Variants in ZNF827 observed in about 807,000 individuals in gnomAD.
The protein encoded by ZNF827 is zinc finger protein 827.
A neutral mutation model predicts 102.4 loss-of-function variants in ZNF827; 13 were observed. The observed-to-expected ratio is 0.13, with a 90% confidence interval of 0.08 to 0.20. The LOEUF (loss-of-function observed/expected upper bound fraction) is 0.20, where lower values mean the gene tolerates loss of function less well. ZNF827 is among the 10% of genes least tolerant of loss of function. The probability of loss-of-function intolerance (pLI) is 1.00; values close to 1 mark genes in which losing one functional copy is unlikely to be tolerated. For synonymous variants in ZNF827, 523 were observed against 536.2 expected, an observed-to-expected ratio of 0.98 and a Z score of 0.34; for missense variants, 1,103 against 1,344.4, an observed-to-expected ratio of 0.82 and a Z score of 2.81.
intron 1 of ZNF827, among the ~76,000 whole-genome samples, chr4:145,912,360 T>C (rs1268804982): frequency 6.6e-6 from 1 of 152,234 alleles, no homozygotes; most frequent in East Asian, 1.9e-4. Context: ...ATACTTTTGT[T>C]CTCCATTATA....
chr4:145,844,717 TAAATAAATAAATA>T (rs1203747071), intron 7 of ZNF827, among the ~76,000 whole-genome samples: 2 of 140,920 alleles, frequency 1.4e-5, no homozygotes, highest in Non-Finnish European at 3.1e-5. Flanking sequence ...AATAAATAAA[TAAATAAATAAATA>T]AAATAAACCC....
At chr4:145,828,846 A>C (rs978909296) in intron 7 of ZNF827, among the ~76,000 whole-genome samples, 1 of 152,170 alleles carries the variant, frequency 6.6e-6, no homozygotes, top group African/African-American at 2.4e-5. Flanking sequence ...AAAGTCCATA[A>C]AGGATTATGG....
intron 4 of ZNF827, among the ~76,000 whole-genome samples, chr4:145,874,480 A>G (rs148421727): frequency 6.6e-6 from 1 of 152,362 alleles, no homozygotes; most frequent in East Asian, 1.9e-4. Context: ...GACCAAAAAT[A>G]TTTACATTGA....
chr4:145,880,165 G>A (rs1457207244), intron 4 of ZNF827, among the ~76,000 whole-genome samples: 1 of 152,148 alleles, frequency 6.6e-6, no homozygotes, highest in Admixed American at 6.5e-5. Flanking sequence ...AACCCGGGAG[G>A]CGGATGTTTC....
intron 8 of ZNF827, among the ~76,000 whole-genome samples, chr4:145,818,279 C>A (rs553448557): frequency 1.3e-5 from 2 of 152,288 alleles, no homozygotes; most frequent in South Asian, 4.1e-4. Flanking sequence ...ATGTGCTGTG[C>A]AGTTCTGGGT....
At chr4:145,826,143 G>A (rs1049069582) in intron 7 of ZNF827, among the ~76,000 whole-genome samples, 4 of 152,194 alleles carry the variant, frequency 2.6e-5, no homozygotes, top group African/African-American at 7.2e-5. Flanking sequence ...TGCTAGTTTT[G>A]CAGAGAGTTT....
At chr4:145,897,346 A>G (rs900917115) in intron 2 of ZNF827, among the ~76,000 whole-genome samples, 3 of 152,160 alleles carry the variant, frequency 2.0e-5, no homozygotes, top group Admixed American at 6.5e-5. Flanking sequence ...CTGTTGTTCA[A>G]TCCTATGTGG....
intron 1 of ZNF827, among the ~76,000 whole-genome samples, chr4:145,919,406 T>C (rs988791243): frequency 6.6e-6 from 1 of 152,188 alleles, no homozygotes; most frequent in African/African-American, 2.4e-5. Context: ...GTCCCACATA[T>C]ACTCATGAAA....
At chr4:145,799,533 C>G (rs1054475350) in intron 8 of ZNF827, among the ~76,000 whole-genome samples, 1 of 152,194 alleles carries the variant, frequency 6.6e-6, no homozygotes, top group Non-Finnish European at 1.5e-5. Context: ...AATTATTAAC[C>G]AGTCTTTGGT....
intron 7 of ZNF827, among the ~76,000 whole-genome samples, chr4:145,835,728 A>C (rs1744770575): frequency 8.5e-6 from 1 of 118,044 alleles, no homozygotes; most frequent in South Asian, 3.6e-4. Flanking sequence ...ACCCCACTCA[A>C]CGCCAGTATC....
chr4:145,930,271 T>C (rs1460255762), intron 1 of ZNF827, among the ~76,000 whole-genome samples: 1 of 152,230 alleles, frequency 6.6e-6, no homozygotes, highest in East Asian at 1.9e-4. Flanking sequence ...TGATCAATCA[T>C]GTAAAAGATC....
At chr4:145,872,528 G>T (rs564329774) in intron 4 of ZNF827, among the ~76,000 whole-genome samples, 2 of 152,108 alleles carry the variant, frequency 1.3e-5, no homozygotes. Flanking sequence ...TTTGTTACGC[G>T]GTATTTAGTT....
Position 145,762,713 on chromosome 4 carries a change from C to G in ZNF827, c.*17+377G>C, listed in dbSNP as rs998223216. Among the ~76,000 whole-genome samples the G allele has an allele frequency of 2.6e-5, 4 of 152,210 alleles. No individual in the cohort carries two copies. The highest frequency in any genetic ancestry group is 9.6e-5 in the African/African-American group (4 of 41,452). ...AACCCTCCTGGCTGTCCAGAGGGGC[C>G]ACGAGGAGTGGTGAGGCCATGTTAA... On this transcript the variant is annotated intron_variant, in intron 14 of 14. Coordinates refer to ENST00000508784, the MANE Select transcript of ZNF827 (RefSeq NM_001306215.2). The surrounding 1 kb of genome is among the most constrained non-coding windows in gnomAD (Gnocchi z 4.9).
intron 2 of ZNF827, among the ~76,000 whole-genome samples, chr4:145,901,930 G>A (rs572962713): frequency 6.6e-6 from 1 of 152,320 alleles, no homozygotes; most frequent in South Asian, 2.1e-4. Context: ...AGGGAATGCT[G>A]TATGTCTCTA....
At chr4:145,853,152 C>T (rs965623072) in intron 5 of ZNF827, among the ~76,000 whole-genome samples, 1 of 152,234 alleles carries the variant, frequency 6.6e-6, no homozygotes, top group Non-Finnish European at 1.5e-5. Flanking sequence ...GCCACCTCAG[C>T]CAGGTTCCTG....
At chr4:145,878,033 A>G (rs1749301264) in intron 4 of ZNF827, among the ~76,000 whole-genome samples, 2 of 152,228 alleles carry the variant, frequency 1.3e-5, no homozygotes, top group Admixed American at 6.5e-5. Context: ...GAAAGTCAGG[A>G]TCCACTTGCC....
Position 145,761,239 on chromosome 4 carries a change from G to A in ZNF827, c.*377C>T. The A allele has an allele frequency of 7.8e-7, 1 of 1,289,872 alleles. No individual in the cohort carries two copies. The highest frequency in any genetic ancestry group is 1.0e-6 in the Non-Finnish European group (1 of 988,876). 79.9% of individuals were successfully genotyped at this position (1,289,872 alleles called of 1,614,324 possible). On this transcript the variant is annotated 3_prime_UTR_variant, in exon 15 of 15. Transcript: ENST00000508784. The surrounding 1 kb of genome is among the most constrained non-coding windows in gnomAD (Gnocchi z 6.8). The stretch of plus-strand genomic sequence containing the variant: ...GCGGCTGAAGACGAAAGGGTGTGTG[G>A]TCTTGAACAGGCACTCTTCGCAGCT...
chr4:145,936,969 G>C (rs1266268553), intron 1 of ZNF827, among the ~76,000 whole-genome samples: 1 of 151,642 alleles, frequency 6.6e-6, no homozygotes, highest in Admixed American at 6.6e-5. Context: ...TCCCTCCGGC[G>C]CCTCCCGCGT....
chr4:145,858,134 AGTGTGTGT>A (rs10553157), intron 5 of ZNF827, among the ~76,000 whole-genome samples: 37,274 of 146,944 alleles, frequency 0.25, 4,853 homozygotes, highest in East Asian at 0.41. Context: ...TGCATGTGTG[AGTGTGTGT>A]GTGTGTGTGT....
Sources: allele counts gnomAD v4.1 joint callset (sites outside exome capture counted in the v4.1 genomes callset), GRCh38; gene constraint gnomAD v4.1.1; non-coding constraint Gnocchi (gnomAD v3.1); transcripts MANE v1.5; gene names NCBI Gene and HGNC (gene_info 2026-07-23, HGNC 2026-07-21).